Variants in ASRGL1 observed in about 807,000 individuals in gnomAD.
ASRGL1 encodes the protein isoaspartyl peptidase/L-asparaginase.
A neutral mutation model predicts 22.4 loss-of-function variants in ASRGL1; 16 were observed. The ratio of observed to expected loss-of-function variants is 0.71; its 90% CI spans 0.48 to 1.08. The LOEUF (loss-of-function observed/expected upper bound fraction) is 1.08, where lower values mean the gene tolerates loss of function less well. Among genes scored for constraint, ASRGL1 ranks in the 50% least tolerant of loss-of-function variants. The pLI is 0.00. For missense variants in ASRGL1, 412 were observed against 410.1 expected, an observed-to-expected ratio of 1.00 and a Z score of -0.04; for synonymous variants, 165 against 159.3, an observed-to-expected ratio of 1.04 and a Z score of -0.27.
intron 4 of ASRGL1, among the ~76,000 whole-genome samples, chr11:62,388,539 G>T (rs1406815697): frequency 6.6e-6 from 1 of 151,970 alleles, no homozygotes; most frequent in African/African-American, 2.4e-5. Context: ...GTGTGGTGGT[G>T]CATGCCTGTA....
At chr11:62,360,962 G>T (rs990843444) in intron 4 of ASRGL1, among the ~76,000 whole-genome samples, 1 of 152,090 alleles carries the variant, frequency 6.6e-6, no homozygotes, top group African/African-American at 2.4e-5. Context: ...TCATGACACC[G>T]TCAGTACAGT....
chr11:62,379,204 G>A (rs993300343), intron 4 of ASRGL1, among the ~76,000 whole-genome samples: 1 of 152,204 alleles, frequency 6.6e-6, no homozygotes, highest in African/African-American at 2.4e-5. Context: ...GAGTGCCTAC[G>A]CCGACAAGTC....
chr11:62,339,310 G>T (rs573296435), intron 2 of ASRGL1, among the ~76,000 whole-genome samples: 1 of 152,302 alleles, frequency 6.6e-6, no homozygotes, highest in South Asian at 2.1e-4. Flanking sequence ...TGCTTTGTCA[G>T]TCTTAAGATC....
chr11:62,339,221 C>A (rs553415036), intron 2 of ASRGL1, among the ~76,000 whole-genome samples: 1 of 152,302 alleles, frequency 6.6e-6, no homozygotes, highest in African/African-American at 2.4e-5. Flanking sequence ...TAAAATACTT[C>A]ACTTTCAGGG....
chr11:62,380,014 GT>G (rs1273681189), intron 4 of ASRGL1, among the ~76,000 whole-genome samples: 1 of 151,964 alleles, frequency 6.6e-6, no homozygotes, highest in Admixed American at 6.6e-5. Context: ...GTTATATTTT[GT>G]TTTTTTGAGG....
At chr11:62,343,731 A>C (rs1252551464) in intron 2 of ASRGL1, among the ~76,000 whole-genome samples, 1 of 60,450 alleles carries the variant, frequency 1.7e-5, no homozygotes, top group Non-Finnish European at 5.2e-5. Context: ...CCAGCTCCAC[A>C]AAAAAAAAAA....
chr11:62,379,527 T>C (rs1014155589), intron 4 of ASRGL1, among the ~76,000 whole-genome samples: 3 of 152,176 alleles, frequency 2.0e-5, no homozygotes, highest in Non-Finnish European at 4.4e-5. Context: ...GAATTTCACC[T>C]TTGTAGTCTG....
intron 5 of ASRGL1, among the ~76,000 whole-genome samples, chr11:62,390,841 G>A (rs1302246075): frequency 2.0e-5 from 3 of 152,162 alleles, no homozygotes; most frequent in Non-Finnish European, 4.4e-5. Flanking sequence ...ATCAACTGTG[G>A]GAGGGTAAAG....
intron 2 of ASRGL1, among the ~76,000 whole-genome samples, chr11:62,355,257 G>T (rs181971041): frequency 6.9e-6 from 1 of 145,374 alleles, no homozygotes; most frequent in Non-Finnish European, 1.5e-5. Context: ...ATGAAGTCTC[G>T]CTCTGTCGCC....
the ASRGL1 span, among the ~76,000 whole-genome samples, chr11:62,398,790 G>A: frequency 6.6e-6 from 1 of 152,168 alleles, no homozygotes; most frequent in Admixed American, 6.5e-5. Context: ...CTTATCTCTG[G>A]CTTTGGCACA....
intron 2 of ASRGL1, among the ~76,000 whole-genome samples, chr11:62,340,037 G>A (rs1322940571): frequency 6.6e-6 from 1 of 151,930 alleles, no homozygotes; most frequent in African/African-American, 2.4e-5. Context: ...TGAGGTGGGC[G>A]GATCACTTGA....
At chr11:62,338,296 C>T in intron 2 of ASRGL1, 129 bp downstream of exon 2, 2 of 1,027,346 alleles carry the variant, frequency 1.9e-6, no homozygotes, top group Non-Finnish European at 2.7e-6. Flanking sequence ...AAAAAAGAAA[C>T]AATATTTAAT....
At chr11:62,373,724 C>A (rs923721351) in intron 4 of ASRGL1, among the ~76,000 whole-genome samples, 1 of 152,248 alleles carries the variant, frequency 6.6e-6, no homozygotes, top group Non-Finnish European at 1.5e-5. Flanking sequence ...GGTGTCAGTT[C>A]TGTTTCTCCT....
At chr11:62,352,533 G>A (rs1352354171) in intron 2 of ASRGL1, among the ~76,000 whole-genome samples, 1 of 151,746 alleles carries the variant, frequency 6.6e-6, no homozygotes, top group East Asian at 1.9e-4. Context: ...GCAGTGAGCC[G>A]AGATCACACC....
chr11:62,348,015 A>G (rs1193388769), intron 2 of ASRGL1, among the ~76,000 whole-genome samples: 1 of 152,238 alleles, frequency 6.6e-6, no homozygotes, highest in Non-Finnish European at 1.5e-5. Flanking sequence ...CCACACTAAT[A>G]AACTGATATG....
chr11:62,361,864 C>T (rs1946443579), intron 4 of ASRGL1, among the ~76,000 whole-genome samples: 2 of 152,162 alleles, frequency 1.3e-5, no homozygotes, highest in Non-Finnish European at 2.9e-5. Context: ...TGGACCATTA[C>T]TGCTTGAAGA....
In ASRGL1 at chr11:62,338,179, T is replaced by C. The variant is rs2134556791; in HGVS notation, c.190+12T>C. On this transcript the variant is annotated intron_variant, in intron 2 of 6. Transcript: ENST00000415229. ...CGAGTTCAACGCAGGTAAATGTGCC[T>C]TTCAGCTAGTAAATAATGTGAGTCA... The C allele has an allele frequency of 6.5e-7, 1 of 1,536,712 alleles. No homozygotes were observed.
downstream of ASRGL1, among the ~76,000 whole-genome samples, chr11:62,394,450 T>C (rs994711555): frequency 6.6e-6 from 1 of 151,318 alleles, no homozygotes; most frequent in African/African-American, 2.4e-5. Flanking sequence ...TACACTCACA[T>C]GCTGAGGTAC....
intron 2 of ASRGL1, among the ~76,000 whole-genome samples, chr11:62,355,377 C>T (rs1164688416): frequency 6.6e-6 from 1 of 152,092 alleles, no homozygotes; most frequent in Non-Finnish European, 1.5e-5. Context: ...AGGTGCGGGC[C>T]ACCATGCCTG....
Sources: allele counts gnomAD v4.1 joint callset (sites outside exome capture counted in the v4.1 genomes callset), GRCh38; gene constraint gnomAD v4.1.1; transcripts MANE v1.5; gene names NCBI Gene and HGNC (gene_info 2026-07-23, HGNC 2026-07-21).